The following MECOM variants were observed in gnomAD, a reference collection of about 807,000 sequenced individuals.
MECOM encodes the protein histone-lysine N-methyltransferase MECOM.
Under a neutral mutation model 116.3 loss-of-function variants are expected in MECOM, and 13 were observed. The observed-to-expected ratio is 0.11, with a 90% CI of 0.07 to 0.18. MECOM has a LOEUF of 0.18. Ranked by LOEUF, MECOM falls within the 10% of genes least tolerant of loss-of-function variation. The probability of loss-of-function intolerance (pLI) is 1.00; values close to 1 mark genes in which losing one functional copy is unlikely to be tolerated. For missense variants in MECOM, 1,299 were observed against 1,509.0 expected (o/e 0.86, Z 2.31); for synonymous variants, 528 against 535.2 (o/e 0.99, Z 0.19).
Position 169,190,191 on chromosome 3 carries a change from A to G in MECOM, c.376-46359T>C, listed in dbSNP as rs892753851. 1.4e-4 allele frequency among the ~76,000 whole-genome samples: 21 copies of G among 152,082 alleles called. 1 individual carries two copies. The highest frequency in any genetic ancestry group is 2.9e-4 in the Non-Finnish European group (20 of 67,972). On this transcript the variant is annotated intron_variant, in intron 2 of 16. Transcript: ENST00000651503. ...CATATCTAGGCAAGGAAAGAAAGGT[A>G]CTCAACCATAATATAAATATAATCT... is the stretch of plus-strand genomic sequence containing the variant.
At chr3:169,323,905 A>T (rs904339202) in intron 2 of MECOM, among the ~76,000 whole-genome samples, 23 of 152,180 alleles carry the variant, frequency 1.5e-4, no homozygotes, top group Admixed American at 4.6e-4. Context: ...CTTCTTTCCC[A>T]TGCAGAGGAA....
At chr3:169,217,948 C>G (rs1200940826) in intron 2 of MECOM, among the ~76,000 whole-genome samples, 1 of 151,016 alleles carries the variant, frequency 6.6e-6, no homozygotes, top group African/African-American at 2.4e-5. Context: ...ACAACATGGC[C>G]TTGACAACAA....
chr3:169,390,446 A>C (rs1190930045), intron 1 of MECOM, among the ~76,000 whole-genome samples: 1 of 152,094 alleles, frequency 6.6e-6, no homozygotes, highest in Admixed American at 6.5e-5. Context: ...TCTGGTGAGG[A>C]CTGTGGTTTA....
intron 1 of MECOM, among the ~76,000 whole-genome samples, chr3:169,493,671 G>A (rs1362519944): frequency 6.6e-6 from 1 of 152,012 alleles, no homozygotes; most frequent in African/African-American, 2.4e-5. Context: ...CTGTAGCAAC[G>A]TCTGACTCTG....
chr3:169,157,466 T>G (rs61134275), intron 2 of MECOM, among the ~76,000 whole-genome samples: 16,261 of 152,264 alleles, frequency 0.11, 1,055 homozygotes, highest in Non-Finnish European at 0.14. Flanking sequence ...AAAAGTATGT[T>G]TAGTTTATAA....
intron 2 of MECOM, among the ~76,000 whole-genome samples, chr3:169,248,871 A>G (rs1162136247): frequency 6.6e-6 from 1 of 152,136 alleles, no homozygotes; most frequent in Non-Finnish European, 1.5e-5. Context: ...CAATGCCTTG[A>G]TCTTAGACTT....
intron 1 of MECOM, among the ~76,000 whole-genome samples, chr3:169,487,574 G>A (rs1455816252): frequency 6.6e-6 from 1 of 151,934 alleles, no homozygotes; most frequent in Non-Finnish European, 1.5e-5. Context: ...GAATCTTACA[G>A]GAAGCAGGAA....
At chr3:169,584,177 A>C (rs1174914365) in intron 1 of MECOM, among the ~76,000 whole-genome samples, 2 of 152,204 alleles carry the variant, frequency 1.3e-5, no homozygotes, top group African/African-American at 4.8e-5. Context: ...CATTCTAGGA[A>C]CCAAAGCTAA....
intron 1 of MECOM, among the ~76,000 whole-genome samples, chr3:169,420,580 G>C (rs17485655): frequency 6.6e-6 from 1 of 152,082 alleles, no homozygotes; most frequent in Non-Finnish European, 1.5e-5. Context: ...TAGAAATAGG[G>C]AATGGCAGTT....
intron 1 of MECOM, among the ~76,000 whole-genome samples, chr3:169,616,344 T>A (rs932360321): frequency 1.3e-5 from 2 of 152,056 alleles, no homozygotes; most frequent in African/African-American, 4.8e-5. Flanking sequence ...TTGGTTTTGG[T>A]TTTTTTGTTT....
At chr3:169,472,658 G>GAAAAGAAAAGAAAAGA (rs1169652096) in intron 1 of MECOM, among the ~76,000 whole-genome samples, 1 of 57,902 alleles carries the variant, frequency 1.7e-5, no homozygotes, top group Non-Finnish European at 3.5e-5. Context: ...GAAAAGAAAA[G>GAAAAGAAAAGAAAAGA]AAAGGAAAGG....
In MECOM at chr3:169,506,028, C is replaced by T. The variant is rs576422542; in HGVS notation, c.38-124504G>A. Among the ~76,000 whole-genome samples the T allele has an allele frequency of 1.6e-3, 244 of 152,238 alleles. 2 individuals carry two copies. Among genetic ancestry groups the T allele is most frequent in the African/African-American group, 5.6e-3 (234 of 41,534 alleles). On this transcript the variant is annotated intron_variant, in intron 1 of 16. Transcript: ENST00000651503. Reference sequence around the variant, plus strand: ...ATTTGAAGATCAAAAACCCACTTGTCCATTATATAATTGGAATGAAAGGCA... The same window carrying T: ...ATTTGAAGATCAAAAACCCACTTGTTCATTATATAATTGGAATGAAAGGCA...
At chr3:169,216,787 A>T (rs750936133) in intron 2 of MECOM, among the ~76,000 whole-genome samples, 1 of 152,176 alleles carries the variant, frequency 6.6e-6, no homozygotes, top group Non-Finnish European at 1.5e-5. Flanking sequence ...AGAGATATAC[A>T]GATATGCATA....
At chr3:169,660,977 G>A (rs1039928982) in intron 1 of MECOM, among the ~76,000 whole-genome samples, 4 of 152,094 alleles carry the variant, frequency 2.6e-5, no homozygotes, top group Admixed American at 2.0e-4. Context: ...AAGCGGCAGC[G>A]GCATCCTTAG....
intron 4 of MECOM, among the ~76,000 whole-genome samples, chr3:169,129,076 A>G (rs557011603): frequency 2.0e-4 from 30 of 152,288 alleles, no homozygotes; most frequent in Non-Finnish European, 3.7e-4. Context: ...TTTGGGGGGA[A>G]TACTTTAGTC....
chr3:169,634,372 T>G (rs1772463694), intron 1 of MECOM, among the ~76,000 whole-genome samples: 1 of 152,186 alleles, frequency 6.6e-6, no homozygotes, highest in South Asian at 2.1e-4. Context: ...GTAAATTTTT[T>G]TAAGCTAATG....
chr3:169,594,174 A>AAAAAACC (rs1255613781), intron 1 of MECOM, among the ~76,000 whole-genome samples: 14 of 125,950 alleles, frequency 1.1e-4, no homozygotes, highest in African/African-American at 4.5e-4. Flanking sequence ...AAAAAAAAAA[A>AAAAAACC]AACACCTTTT....
At chr3:169,482,006 G>T (rs973691585) in intron 1 of MECOM, among the ~76,000 whole-genome samples, 1 of 152,114 alleles carries the variant, frequency 6.6e-6, no homozygotes, top group Non-Finnish European at 1.5e-5. Flanking sequence ...TCTGAATCAG[G>T]AATTTATAGA....
intron 1 of MECOM, among the ~76,000 whole-genome samples, chr3:169,662,544 CGGAGCCG>C (rs1776428672): frequency 3.9e-5 from 6 of 152,072 alleles, no homozygotes; most frequent in Admixed American, 3.9e-4. Context: ...CGTGGCTGTG[CGGAGCCG>C]GTAGCTCTGC....
Sources: gnomAD v4.1 joint callset for allele counts (sites outside exome capture counted in the v4.1 genomes callset) on GRCh38, gnomAD v4.1.1 for gene constraint, MANE v1.5 for transcripts, NCBI Gene and HGNC (gene_info 2026-07-23, HGNC 2026-07-21) for gene names.